The following GABBR2 variants were observed in gnomAD, a reference collection of about 807,000 sequenced individuals.
The protein encoded by GABBR2 is gamma-aminobutyric acid type B receptor subunit 2, also known as G-protein coupled receptor 51.
Under a neutral mutation model 105.6 loss-of-function variants are expected in GABBR2, and 23 were observed. The observed-to-expected ratio is 0.22, with a 90% CI of 0.16 to 0.31. The LOEUF is 0.31. Among genes scored for constraint, GABBR2 ranks in the 10% least tolerant of loss-of-function variants. GABBR2 has a pLI of 1.00. For synonymous variants in GABBR2, 478 were observed against 499.7 expected, an observed-to-expected ratio of 0.96 and a Z score of 0.58; for missense variants, 734 against 1,245.5, an observed-to-expected ratio of 0.59 and a Z score of 6.18.
intron 1 of GABBR2, among the ~76,000 whole-genome samples, chr9:98,674,637 G>A (rs777905199): frequency 2.0e-5 from 3 of 152,288 alleles, no homozygotes; most frequent in South Asian, 2.1e-4. Context: ...AAAGAGGTGA[G>A]ATGCCCACAC....
chr9:98,367,018 A>G (rs1831688946), intron 12 of GABBR2, among the ~76,000 whole-genome samples: 1 of 152,250 alleles, frequency 6.6e-6, no homozygotes, highest in Non-Finnish European at 1.5e-5. Flanking sequence ...ATTGGTCTTT[A>G]GAAAAAAAGT....
chr9:98,290,675 G>C lies in GABBR2; in HGVS notation c.2735C>G (p.Ala912Gly). ...AYLPSIGGVD[A>G]SCVSPCVSPT... ...GCTGACGCAGGGGCTGACACAGCTG[G>C]CGTCCACGCCTCCGATGGATGGGAG... Residue 912 changes from alanine (A) to glycine (G), a missense_variant, in exon 19 of 19, where the codon GCC becomes GGC. By Grantham distance (60) the Ala-to-Gly change is moderately conservative. Around this residue, in one of 7 missense-constraint regions of GABBR2, gnomAD observed 134 missense variants for 171.2 expected, o/e 0.78. Transcript: ENST00000259455. 6.8e-7 allele frequency: 1 copy of C among 1,479,192 alleles called. No individual in the cohort carries two copies. Among genetic ancestry groups the C allele is most frequent in the South Asian group, 1.5e-5 (1 of 67,042 alleles). The allele number at this position is 1,479,192 out of a possible 1,614,324, so 91.6% of individuals were successfully genotyped here. A position where few individuals can be genotyped will look rare whatever the true frequency, so the allele number is the denominator to read the frequency against.
chr9:98,702,868 A>G (rs1005134141), intron 1 of GABBR2, among the ~76,000 whole-genome samples: 10 of 152,122 alleles, frequency 6.6e-5, no homozygotes, highest in Non-Finnish European at 7.3e-5. Flanking sequence ...GCTATTTGTG[A>G]TCAGACCCAC....
intron 18 of GABBR2, among the ~76,000 whole-genome samples, chr9:98,293,344 A>G (rs954995541): frequency 6.6e-6 from 1 of 152,116 alleles, no homozygotes; most frequent in South Asian, 2.1e-4. Flanking sequence ...TAATTAAGCT[A>G]TCAGCCTCCT....
At chr9:98,472,916 G>A (rs1279411594) in intron 6 of GABBR2, among the ~76,000 whole-genome samples, 1 of 152,118 alleles carries the variant, frequency 6.6e-6, no homozygotes, top group Non-Finnish European at 1.5e-5. Context: ...TGTGTACTGT[G>A]TTATGTGCTT....
chr9:98,293,262 T>C (rs1022951447), intron 18 of GABBR2, among the ~76,000 whole-genome samples: 1 of 152,190 alleles, frequency 6.6e-6, no homozygotes, highest in African/African-American at 2.4e-5. Context: ...CTATTTAAAA[T>C]GACACTCCCT....
chr9:98,632,457 T>C (rs1343665438), intron 1 of GABBR2, among the ~76,000 whole-genome samples: 5 of 152,200 alleles, frequency 3.3e-5, no homozygotes, highest in Non-Finnish European at 7.3e-5. Flanking sequence ...GTGGGTTCTG[T>C]GCCCCCTCCT....
At chr9:98,549,526 GGT>G (rs889015012) in intron 2 of GABBR2, among the ~76,000 whole-genome samples, 8 of 152,318 alleles carry the variant, frequency 5.3e-5, no homozygotes, top group African/African-American at 1.9e-4. Flanking sequence ...TAAACCACAA[GGT>G]GGTGTGAAGG....
intron 7 of GABBR2, among the ~76,000 whole-genome samples, chr9:98,407,756 A>G (rs894612938): frequency 1.3e-5 from 2 of 152,226 alleles, no homozygotes; most frequent in Admixed American, 6.5e-5. Context: ...GTGAAATTAC[A>G]AAGTGTGTGG....
At chr9:98,367,951 A>T (rs1053029774) in intron 12 of GABBR2, among the ~76,000 whole-genome samples, 2 of 152,204 alleles carry the variant, frequency 1.3e-5, no homozygotes, top group African/African-American at 4.8e-5. Flanking sequence ...TAAAATGCAC[A>T]TCAACTTTAC....
At chr9:98,550,214 C>T (rs1055252241) in intron 2 of GABBR2, among the ~76,000 whole-genome samples, 4 of 152,124 alleles carry the variant, frequency 2.6e-5, no homozygotes, top group African/African-American at 7.2e-5. Context: ...CGTTAGTAAT[C>T]GTATGGATAA....
chr9:98,658,420 AATG>A (rs1830211329), intron 1 of GABBR2, among the ~76,000 whole-genome samples: 8 of 151,792 alleles, frequency 5.3e-5, no homozygotes, highest in Non-Finnish European at 1.5e-5. Flanking sequence ...TGAATGAATG[AATG>A]AATGTATGCT....
intron 13 of GABBR2, among the ~76,000 whole-genome samples, chr9:98,342,839 T>C (rs1336738333): frequency 1.3e-5 from 2 of 152,180 alleles, no homozygotes; most frequent in Non-Finnish European, 2.9e-5. Flanking sequence ...ACCCAGGCCA[T>C]TACAATGTCT....
intron 3 of GABBR2, among the ~76,000 whole-genome samples, chr9:98,514,447 C>G (rs907293930): frequency 7.0e-6 from 1 of 143,568 alleles, no homozygotes; most frequent in African/African-American, 2.6e-5. Context: ...GGCACATACA[C>G]ACCATGGAAT....
At chr9:98,685,218 T>G (rs1222552861) in intron 1 of GABBR2, among the ~76,000 whole-genome samples, 1 of 152,172 alleles carries the variant, frequency 6.6e-6, no homozygotes, top group Non-Finnish European at 1.5e-5. Flanking sequence ...ACTCCCAAGT[T>G]TTTCAGCTTT....
chr9:98,343,450 C>T (rs955697277), intron 13 of GABBR2, among the ~76,000 whole-genome samples: 4 of 152,178 alleles, frequency 2.6e-5, no homozygotes, highest in African/African-American at 4.8e-5. Context: ...TAAATGGTGG[C>T]TTGCTATGAA....
chr9:98,645,147 G>A (rs1564139953), intron 1 of GABBR2, among the ~76,000 whole-genome samples: 2 of 152,130 alleles, frequency 1.3e-5, no homozygotes, highest in Admixed American at 6.6e-5. Flanking sequence ...CCTACCTGTA[G>A]GGAATAAACC....
chr9:98,561,278 T>G (rs1828670448), intron 2 of GABBR2, among the ~76,000 whole-genome samples: 1 of 127,484 alleles, frequency 7.8e-6, no homozygotes, highest in Non-Finnish European at 1.6e-5. Flanking sequence ...AATTATATTT[T>G]CAAGCTCATT....
intron 7 of GABBR2, among the ~76,000 whole-genome samples, chr9:98,423,847 A>G (rs1219747339): frequency 6.6e-6 from 1 of 152,152 alleles, no homozygotes; most frequent in Non-Finnish European, 1.5e-5. Context: ...TCCCAGCACC[A>G]TTTATTAAAT....
Sources: gnomAD v4.1 joint callset for allele counts (sites outside exome capture counted in the v4.1 genomes callset) on GRCh38, gnomAD v4.1.1 for gene constraint, gnomAD v4.1.1 regional missense constraint, MANE v1.5 for transcripts, NCBI Gene and HGNC (gene_info 2026-07-23, HGNC 2026-07-21) for gene names.